The following ASTN1 variants were observed in gnomAD, a reference collection of about 807,000 sequenced individuals.
The protein encoded by ASTN1 is astrotactin-1.
In ASTN1, 41 loss-of-function variants were observed where a neutral mutation model predicts 140.7. The ratio of observed to expected loss-of-function variants is 0.29; its 90% CI spans 0.23 to 0.38. ASTN1 has a LOEUF of 0.38. ASTN1 is among the 10% of genes least tolerant of loss of function. The probability of loss-of-function intolerance (pLI) is 1.00; values close to 1 mark genes in which losing one functional copy is unlikely to be tolerated. For synonymous variants in ASTN1, 640 were observed against 652.2 expected (o/e 0.98, Z 0.29); for missense variants, 1,479 against 1,678.8 (o/e 0.88, Z 2.08).
intron 2 of ASTN1, among the ~76,000 whole-genome samples, chr1:177,040,784 T>C (rs1334004108): frequency 1.3e-5 from 2 of 152,262 alleles, no homozygotes; most frequent in African/African-American, 2.4e-5. Context: ...GGAAAGTTTG[T>C]CTTCAATTCC....
chr1:177,110,626 A>C (rs1680781167), intron 1 of ASTN1, among the ~76,000 whole-genome samples: 1 of 152,214 alleles, frequency 6.6e-6, no homozygotes, highest in East Asian at 1.9e-4. Context: ...TTTCAGCTGA[A>C]TGTAACTTTT....
chr1:176,992,524 C>T (rs75526739), intron 8 of ASTN1, among the ~76,000 whole-genome samples: 5,099 of 152,180 alleles, frequency 0.034, 118 homozygotes, highest in Non-Finnish European at 0.053. Context: ...TATCCACTGA[C>T]GTGAAGAAGC....
At chr1:176,954,052 G>T (rs1235990430) in intron 11 of ASTN1, among the ~76,000 whole-genome samples, 2 of 152,188 alleles carry the variant, frequency 1.3e-5, no homozygotes, top group Non-Finnish European at 2.9e-5. Context: ...AAAGCTCAGA[G>T]CAGGGAGGCT....
intron 2 of ASTN1, among the ~76,000 whole-genome samples, chr1:177,042,307 G>A (rs770856206): frequency 3.3e-5 from 5 of 152,164 alleles, no homozygotes; most frequent in Non-Finnish European, 7.3e-5. Flanking sequence ...AAGTATTCAA[G>A]GATCCTGCCC....
intron 7 of ASTN1, among the ~76,000 whole-genome samples, chr1:177,018,614 A>G (rs1675675483): frequency 6.6e-6 from 1 of 152,158 alleles, no homozygotes; most frequent in African/African-American, 2.4e-5. Flanking sequence ...TAAAAGCTAC[A>G]TATCTTGAAA....
intron 8 of ASTN1, among the ~76,000 whole-genome samples, chr1:177,013,034 C>T (rs1197535783): frequency 1.3e-5 from 2 of 152,190 alleles, no homozygotes; most frequent in Non-Finnish European, 2.9e-5. Flanking sequence ...TAAGGGGACT[C>T]CATAGAATGT....
chr1:176,923,129 T>C (rs1670808931), intron 16 of ASTN1, among the ~76,000 whole-genome samples: 1 of 152,170 alleles, frequency 6.6e-6, no homozygotes, highest in South Asian at 2.1e-4. Flanking sequence ...TACTAAACCC[T>C]TGCTACAAAC....
rs917342267 is a variant in ASTN1 at position 176,862,990 on chromosome 1, A to T, written c.*1294T>A. ...TGAGTTGTGTGGGACAGCTAAGGCC[A>T]TTGCTAGTCAACAGGGCCTTGCCAG... On this transcript the variant is annotated 3_prime_UTR_variant, in exon 23 of 23. Coordinates refer to ENST00000361833, the MANE Select transcript of ASTN1 (RefSeq NM_004319.3). The T allele has an allele frequency of 2.0e-6, 2 of 985,368 alleles. No homozygotes were observed. The highest frequency in any genetic ancestry group is 2.4e-6 in the Non-Finnish European group (2 of 829,960). 61.0% of individuals were successfully genotyped at this position (985,368 alleles called of 1,614,324 possible).
intron 8 of ASTN1, among the ~76,000 whole-genome samples, chr1:176,982,494 T>G (rs1322933430): frequency 6.6e-6 from 1 of 152,070 alleles, no homozygotes; most frequent in Non-Finnish European, 1.5e-5. Context: ...AGGTCTGGGG[T>G]GGGCTGGAGA....
intron 1 of ASTN1, among the ~76,000 whole-genome samples, chr1:177,064,492 C>A (rs1678252643): frequency 6.6e-6 from 1 of 152,270 alleles, no homozygotes; most frequent in South Asian, 2.1e-4. Context: ...GCTCCAGGGT[C>A]CTAGGCATGG....
intron 1 of ASTN1, among the ~76,000 whole-genome samples, chr1:177,123,100 G>A (rs971651643): frequency 6.6e-6 from 1 of 152,070 alleles, no homozygotes; most frequent in Non-Finnish European, 1.5e-5. Flanking sequence ...TTGACCACAG[G>A]GTCAGGTGCT....
intron 8 of ASTN1, among the ~76,000 whole-genome samples, chr1:177,002,612 A>T (rs1674789519): frequency 6.6e-6 from 1 of 152,228 alleles, no homozygotes; most frequent in African/African-American, 2.4e-5. Context: ...AAATAGATAA[A>T]GTAGAAAACA....
At chr1:177,077,561 G>A (rs1678977357) in intron 1 of ASTN1, among the ~76,000 whole-genome samples, 1 of 152,178 alleles carries the variant, frequency 6.6e-6, no homozygotes. Flanking sequence ...GTGTCTCCTG[G>A]TTATGGTCAC....
At chr1:177,075,645 C>CTTTT (rs5778927) in intron 1 of ASTN1, among the ~76,000 whole-genome samples, 309 of 98,898 alleles carry the variant, frequency 3.1e-3, no homozygotes, top group East Asian at 3.9e-3. Context: ...CTTTTCTTTT[C>CTTTT]TTTTTTTTTT....
Position 177,027,553 on chromosome 1 carries a change from G to T in ASTN1, c.1120+2081C>A, listed in dbSNP as rs533214621. 4.7e-5 allele frequency among the ~76,000 whole-genome samples: 7 copies of T among 150,054 alleles called. No homozygotes were observed. The East Asian group carries it at 1.2e-3, about 25-fold the overall frequency. ...GCCTCATCCTTACCATCTCGTGTGC[G>T]TATATATTTATAACTTGATGACAGC... is the stretch of plus-strand genomic sequence containing the variant. On this transcript the variant is annotated intron_variant, in intron 5 of 22. Transcript: ENST00000361833.
In ASTN1 at chr1:177,145,059, A is replaced by G. The variant is rs891899449; in HGVS notation, c.283+19335T>C. On this transcript the variant is annotated intron_variant, in intron 1 of 22. Coordinates refer to ENST00000361833, the MANE Select transcript of ASTN1 (RefSeq NM_004319.3). ...GAGTTTCTTAGTGTCTGACCCCAGG[A>G]TTGCCTAGCCCAGCAAAATCTCTAA... Among the ~76,000 whole-genome samples the G allele has an allele frequency of 2.0e-5, 3 of 152,140 alleles. No individual in the cohort carries two copies. In the East Asian group the frequency reaches 5.8e-4, roughly 29 times the overall value.
chr1:176,895,319 C>A (rs1282878069), intron 16 of ASTN1, among the ~76,000 whole-genome samples: 1 of 152,126 alleles, frequency 6.6e-6, no homozygotes, highest in African/African-American at 2.4e-5. Flanking sequence ...ATTTAGGAAG[C>A]CTGTACTATA....
chr1:176,942,818 G>GTATATATA lies in ASTN1; in HGVS notation c.2377+1072_2377+1073insTATATATA, dbSNP rs1478728177. Among the ~76,000 whole-genome samples the GTATATATA allele has an allele frequency of 3.8e-4, 12 of 31,950 alleles. 1 individual carries two copies. The highest frequency in any genetic ancestry group is 1.2e-3 in the South Asian group (1 of 842). The allele number at this position is 31,950 out of a possible 152,430, so 21.0% of individuals were successfully genotyped here. ...GACCAAACCAATGTACTTTGTGTGTGTGTATATATATATATATGTATATAT... is the reference window on the plus strand; with the variant it reads ...GACCAAACCAATGTACTTTGTGTGTGTATATATATGTATATATATATATATGTATATAT... On this transcript the variant is annotated intron_variant, in intron 14 of 22. Coordinates refer to ENST00000361833, the MANE Select transcript of ASTN1 (RefSeq NM_004319.3).
intron 1 of ASTN1, among the ~76,000 whole-genome samples, chr1:177,096,531 C>G (rs1160078713): frequency 6.6e-6 from 1 of 152,136 alleles, no homozygotes; most frequent in Non-Finnish European, 1.5e-5. Context: ...CTACTCAAAT[C>G]TCATCTTGAG....
Sources: allele counts gnomAD v4.1 joint callset (sites outside exome capture counted in the v4.1 genomes callset), GRCh38; gene constraint gnomAD v4.1.1; transcripts MANE v1.5; gene names NCBI Gene and HGNC (gene_info 2026-07-23, HGNC 2026-07-21).